PRKAR1B: variants seen among roughly 807,000 people sequenced by gnomAD.
PRKAR1B encodes the protein protein kinase cAMP-dependent type I regulatory subunit beta, also known as cAMP-dependent protein kinase type I-beta regulatory subunit.
A neutral mutation model predicts 46.5 loss-of-function variants in PRKAR1B; 22 were observed. That is an observed-to-expected ratio of 0.47 (90% CI 0.34 to 0.68). The LOEUF (loss-of-function observed/expected upper bound fraction) is 0.68. PRKAR1B is among the 30% of genes least tolerant of loss of function. The pLI is 0.01. For synonymous variants in PRKAR1B, 259 were observed against 217.7 expected (o/e 1.19, Z -1.67); for missense variants, 445 against 535.6 (o/e 0.83, Z 1.67).
intron 4 of PRKAR1B, chr7:608,247 C>T (rs1444728864): frequency 5.9e-5 from 9 of 152,278 alleles, no homozygotes; most frequent in Admixed American, 1.3e-4. Flanking sequence ...CACAATGTGA[C>T]GCAGAGAAAC....
At position 593,697 on chromosome 7, in the gene PRKAR1B, G is replaced by C. The variant is rs917779034; in HGVS notation, c.708+2449C>G. On this transcript the variant is annotated intron_variant, in intron 7 of 10. Coordinates refer to ENST00000537384, the MANE Select transcript of PRKAR1B (RefSeq NM_001164760.2). The surrounding 1 kb of genome is among the most constrained non-coding windows in gnomAD (Gnocchi z 6.1). ...GGGACCCCTCCCACGCGGCGACAGA[G>C]GCCTCCCAGTGAAGGCAGGAGTGAG... Among the ~76,000 whole-genome samples, 1 of 152,152 alleles carries C rather than the reference G, an allele frequency of 6.6e-6. No homozygotes were observed. The highest frequency in any genetic ancestry group is 6.5e-5 in the Admixed American group (1 of 15,282).
chr7:728,741 G>C (rs761209457), upstream of PRKAR1B, among the ~76,000 whole-genome samples: 16 of 152,316 alleles, frequency 1.1e-4, no homozygotes, highest in Non-Finnish European at 2.4e-4. Context: ...GCCTGCTGGG[G>C]TATGTGCTCA....
At chr7:707,820 T>A (rs1780411935) in intron 2 of PRKAR1B, among the ~76,000 whole-genome samples, 1 of 151,204 alleles carries the variant, frequency 6.6e-6, no homozygotes, top group Admixed American at 6.6e-5. Context: ...CACAGAACCT[T>A]CTCCCACATG....
chr7:583,116 G>C (rs1055357464), intron 8 of PRKAR1B, among the ~76,000 whole-genome samples: 1 of 152,058 alleles, frequency 6.6e-6, no homozygotes, highest in African/African-American at 2.4e-5. Context: ...GGTGAGGACG[G>C]GGCTCTGGGA....
Position 673,243 on chromosome 7 carries a change from T to A in PRKAR1B, c.440+3986A>T, listed in dbSNP as rs1205945843. On this transcript the variant is annotated intron_variant, in intron 4 of 10. Transcript: ENST00000537384. ...TCTCTTCCTCAGGGTCCCTTCGTGATCTTCCAAACTGAATTTTCAACCGGG... is the reference window on the plus strand; with the variant it reads ...TCTCTTCCTCAGGGTCCCTTCGTGAACTTCCAAACTGAATTTTCAACCGGG... Among the ~76,000 whole-genome samples, 7 of 152,068 alleles carry A rather than the reference T, an allele frequency of 4.6e-5. 1 individual carries two copies. The highest frequency in any genetic ancestry group is 4.6e-4 in the Admixed American group (7 of 15,280).
At position 603,615 on chromosome 7, in the gene PRKAR1B, AGGT is replaced by A. The variant is rs1338414313; in HGVS notation, c.549+2575_549+2577del. On this transcript the variant is annotated intron_variant, in intron 6 of 10. Transcript: ENST00000537384. Reference sequence around the variant, plus strand: ...ATGATGACTCCAGGACCCAGAGTGGAGGTGATGGGGGAGGAGGTGACACCAGGA... The same window carrying A: ...ATGATGACTCCAGGACCCAGAGTGGAGATGGGGGAGGAGGTGACACCAGGA... Among the ~76,000 whole-genome samples the A allele has an allele frequency of 6.4e-3, 793 of 123,138 alleles. 29 individuals are homozygous for A. Among genetic ancestry groups the A allele is most frequent in the African/African-American group, 0.015 (396 of 26,878 alleles). 80.8% of individuals were successfully genotyped at this position (123,138 alleles called of 152,430 possible). A position where few individuals can be genotyped will look rare whatever the true frequency, so the allele number is the denominator to read the frequency against.
At chr7:633,910 G>C (rs1013680365) in intron 4 of PRKAR1B, among the ~76,000 whole-genome samples, 2 of 152,196 alleles carry the variant, frequency 1.3e-5, no homozygotes, top group African/African-American at 4.8e-5. Context: ...ATTTGGACCA[G>C]GCACAGTGGC....
chr7:720,899 G>T (rs1050706050), intron 1 of PRKAR1B, among the ~76,000 whole-genome samples: 1 of 152,156 alleles, frequency 6.6e-6, no homozygotes, highest in African/African-American at 2.4e-5. Flanking sequence ...TTGTATCCAC[G>T]TGGCGAACCT....
At chr7:679,368 G>A (rs1015859735) in intron 3 of PRKAR1B, among the ~76,000 whole-genome samples, 3 of 152,176 alleles carry the variant, frequency 2.0e-5, no homozygotes, top group Non-Finnish European at 4.4e-5. Flanking sequence ...CACTCTCCTC[G>A]TGTGCCGTGA....
chr7:695,721 T>C (rs1779698585), intron 2 of PRKAR1B, among the ~76,000 whole-genome samples: 3 of 152,084 alleles, frequency 2.0e-5, no homozygotes, highest in South Asian at 2.1e-4. Flanking sequence ...TGGAGTGTAG[T>C]GGCGTGATCT....
chr7:717,203 C>T (rs1780912428), intron 1 of PRKAR1B, among the ~76,000 whole-genome samples: 1 of 151,870 alleles, frequency 6.6e-6, no homozygotes, highest in Admixed American at 6.6e-5. Flanking sequence ...GCAGGAAGAT[C>T]ACTTGAACCC....
At chr7:659,715 TTTTTGTTTTTGTTTTTGAGACGGAG>T (rs941148506) in intron 4 of PRKAR1B, among the ~76,000 whole-genome samples, 15 of 152,130 alleles carry the variant, frequency 9.9e-5, no homozygotes, top group African/African-American at 2.9e-4. Flanking sequence ...AGGGCTTTTG[TTTTTGTTTTTGTTTTTGAGACGGAG>T]TCTCGCTCTG....
In PRKAR1B at chr7:710,399, T is replaced by C. The variant is rs536141448; in HGVS notation, c.177+930A>G. On this transcript the variant is annotated intron_variant, in intron 2 of 10. Coordinates refer to ENST00000537384, the MANE Select transcript of PRKAR1B (RefSeq NM_001164760.2). ...GGGGGAGGGGACACAGCAGGAGGTGTCACAGGGGCTCCTGTCCCGGCCTCC... is the reference window on the plus strand; with the variant it reads ...GGGGGAGGGGACACAGCAGGAGGTGCCACAGGGGCTCCTGTCCCGGCCTCC... 1.3e-5 allele frequency among the ~76,000 whole-genome samples: 2 copies of C among 152,140 alleles called. 1 individual carries two copies. The highest frequency in any genetic ancestry group is 4.1e-4 in the South Asian group (2 of 4,822).
intron 2 of PRKAR1B, among the ~76,000 whole-genome samples, chr7:699,208 T>C (rs1458872457): frequency 6.6e-6 from 1 of 152,220 alleles, no homozygotes; most frequent in Non-Finnish European, 1.5e-5. Flanking sequence ...TGGCTGATGG[T>C]GGGGAACCCA....
chr7:612,196 G>A (rs2128468706), intron 4 of PRKAR1B, among the ~76,000 whole-genome samples: 1 of 144,684 alleles, frequency 6.9e-6, no homozygotes, highest in East Asian at 2.2e-4. Context: ...AGGTGGGTGA[G>A]TAGATCAACG....
chr7:727,051 C>G (rs1243778154), intron 1 of PRKAR1B, 159 bp downstream of exon 1: 10 of 1,095,624 alleles, frequency 9.1e-6, no homozygotes, highest in African/African-American at 1.7e-5. Flanking sequence ...CGCGCGGCCC[C>G]GCGATGCCCT....
chr7:722,348 C>T (rs566400270), intron 1 of PRKAR1B, among the ~76,000 whole-genome samples: 12 of 145,308 alleles, frequency 8.3e-5, no homozygotes, highest in East Asian at 2.0e-4. Flanking sequence ...GTGATCTGCC[C>T]GCCTCGGCCT....
chr7:685,353 C>CGTATATATACACACATACATACATATAT (rs1554303194), intron 2 of PRKAR1B, among the ~76,000 whole-genome samples: 5 of 48,932 alleles, frequency 1.0e-4, no homozygotes, highest in South Asian at 1.8e-3. Context: ...TATATGTATA[C>CGTATATATACACACATACATACATATAT]ATATATATAT....
At chr7:591,189 C>A (rs1780954627) in intron 7 of PRKAR1B, among the ~76,000 whole-genome samples, 1 of 152,174 alleles carries the variant, frequency 6.6e-6, no homozygotes, top group South Asian at 2.1e-4. Context: ...GAGGGCCCGG[C>A]CCCAAAGACT....
Sources: gnomAD v4.1 joint callset for allele counts (sites outside exome capture counted in the v4.1 genomes callset) on GRCh38, gnomAD v4.1.1 for gene constraint, Gnocchi (gnomAD v3.1) non-coding constraint, MANE v1.5 for transcripts, NCBI Gene and HGNC (gene_info 2026-07-23, HGNC 2026-07-21) for gene names.